Variants in CSMD1 observed in about 807,000 individuals in gnomAD.
The protein encoded by CSMD1 is CUB and sushi domain-containing protein 1.
CSMD1 carries 213 observed loss-of-function variants against 417.5 expected under a neutral mutation model. The ratio of observed to expected loss-of-function variants is 0.51; its 90% CI spans 0.46 to 0.57. CSMD1 has a LOEUF of 0.57. Among genes scored for constraint, CSMD1 ranks in the 20% least tolerant of loss-of-function variants. The pLI, the probability that CSMD1 is intolerant of heterozygous loss-of-function variation, is 0.00. For synonymous variants in CSMD1, 2,862 were observed against 1,736.8 expected (o/e 1.65, Z -16.11); for missense variants, 6,923 against 4,529.7 (o/e 1.53, Z -15.17).
chr8:4,693,812 G>A (rs1044022690), intron 1 of CSMD1, among the ~76,000 whole-genome samples: 1 of 15,076 alleles, frequency 6.6e-5, no homozygotes, highest in Non-Finnish European at 1.0e-4. Context: ...GAGTAGCTGG[G>A]ACCACAGGTG....
At chr8:4,686,953 T>G (rs1291963950) in intron 1 of CSMD1, among the ~76,000 whole-genome samples, 1 of 152,112 alleles carries the variant, frequency 6.6e-6, no homozygotes, top group Non-Finnish European at 1.5e-5. Flanking sequence ...AGGAGACACG[T>G]CTCCAGTCCT....
chr8:4,094,199 G>T (rs1274957406), intron 3 of CSMD1, among the ~76,000 whole-genome samples: 1 of 151,996 alleles, frequency 6.6e-6, no homozygotes, highest in Non-Finnish European at 1.5e-5. Context: ...CCAAACCTGG[G>T]TGTGAGCTTG....
At chr8:3,635,828 G>GA (rs1371744890) in intron 7 of CSMD1, among the ~76,000 whole-genome samples, 169 of 127,772 alleles carry the variant, frequency 1.3e-3, no homozygotes, top group East Asian at 3.6e-3. Flanking sequence ...AAGAAAGAAA[G>GA]AAAAAAAAAA....
chr8:4,809,787 T>C (rs558556272), intron 1 of CSMD1, among the ~76,000 whole-genome samples: 5 of 152,344 alleles, frequency 3.3e-5, no homozygotes, highest in South Asian at 2.1e-4. Context: ...ATATTTGAAA[T>C]ATACTGTGTA....
chr8:3,689,835 C>T (rs974739561), intron 7 of CSMD1, among the ~76,000 whole-genome samples: 3 of 152,152 alleles, frequency 2.0e-5, no homozygotes, highest in Non-Finnish European at 4.4e-5. Flanking sequence ...AACTACTGGG[C>T]TCAGAAAGAA....
intron 5 of CSMD1, among the ~76,000 whole-genome samples, chr8:3,970,394 A>G (rs1360741140): frequency 6.6e-6 from 1 of 152,154 alleles, no homozygotes; most frequent in Non-Finnish European, 1.5e-5. Flanking sequence ...ATCTGAAACG[A>G]GATTGATTAG....
At chr8:3,882,861 T>C (rs557299652) in intron 5 of CSMD1, among the ~76,000 whole-genome samples, 4 of 152,196 alleles carry the variant, frequency 2.6e-5, no homozygotes, top group Non-Finnish European at 5.9e-5. Flanking sequence ...AGAGAATGGC[T>C]ACCCCTGAGT....
intron 1 of CSMD1, among the ~76,000 whole-genome samples, chr8:4,676,533 G>A (rs947973682): frequency 1.3e-5 from 2 of 151,988 alleles, no homozygotes; most frequent in Non-Finnish European, 2.9e-5. Flanking sequence ...ATTTCCTGTT[G>A]GTCTACATCA....
chr8:3,182,735 CTTTATAAGAAGCTCTGT>C (rs1475750461), intron 36 of CSMD1, among the ~76,000 whole-genome samples: 1 of 121,756 alleles, frequency 8.2e-6, no homozygotes, highest in Non-Finnish European at 1.7e-5. Flanking sequence ...CTGGCTGTCT[CTTTATAAGAAGCTCTGT>C]GTGTGTGTGT....
In CSMD1 at chr8:4,166,662, G is replaced by A. The variant is rs538092668; in HGVS notation, c.416-134563C>T. Among the ~76,000 whole-genome samples the A allele has an allele frequency of 1.2e-4, 19 of 152,230 alleles. No homozygotes were observed. The South Asian group carries it at 3.5e-3, about 28-fold the overall frequency. ...CTGCATATTGGGTACCGTGTACACT[G>A]CTGGGGTGATGGGTGCACCAAAATC... On this transcript the variant is annotated intron_variant, in intron 3 of 69. Coordinates refer to ENST00000635120, the MANE Select transcript of CSMD1 (RefSeq NM_033225.6).
At chr8:3,048,454 G>A (rs763864200) in intron 50 of CSMD1, among the ~76,000 whole-genome samples, 4 of 152,074 alleles carry the variant, frequency 2.6e-5, no homozygotes, top group Non-Finnish European at 5.9e-5. Context: ...AATGAACTTC[G>A]AGCAGAAGAG....
At chr8:3,199,949 T>C (rs1796906209) in intron 32 of CSMD1, 140 bp from the exon 33 acceptor site, 1 of 587,398 alleles carries the variant, frequency 1.7e-6, no homozygotes, top group African/African-American at 1.9e-5. Flanking sequence ...GGTTTAAAAC[T>C]CAAATATGTT....
intron 3 of CSMD1, among the ~76,000 whole-genome samples, chr8:4,169,878 A>C (rs1563217087): frequency 6.7e-6 from 1 of 149,598 alleles, no homozygotes; most frequent in African/African-American, 2.6e-5. Flanking sequence ...TGTGTAATTT[A>C]CTTCTGTTTT....
intron 2 of CSMD1, among the ~76,000 whole-genome samples, chr8:4,611,076 G>C (rs1481955601): frequency 1.3e-5 from 2 of 151,764 alleles, no homozygotes; most frequent in Non-Finnish European, 1.5e-5. Flanking sequence ...AAAAGTGAAA[G>C]AAGACCATAG....
chr8:4,972,994 T>C (rs1314092082), intron 1 of CSMD1, among the ~76,000 whole-genome samples: 2 of 152,162 alleles, frequency 1.3e-5, no homozygotes, highest in African/African-American at 4.8e-5. Context: ...TTCTGTGTGA[T>C]TTGATCCCAT....
At chr8:4,881,849 T>C (rs1347277218) in intron 1 of CSMD1, among the ~76,000 whole-genome samples, 1 of 152,000 alleles carries the variant, frequency 6.6e-6, no homozygotes, top group Non-Finnish European at 1.5e-5. Flanking sequence ...AATTCGAGCA[T>C]TATTTTGTTT....
chr8:3,071,890 A>C (rs910709186), intron 49 of CSMD1, among the ~76,000 whole-genome samples: 3 of 152,204 alleles, frequency 2.0e-5, no homozygotes, highest in Admixed American at 2.0e-4. Context: ...CCATGTGCAC[A>C]TAATTGAAAC....
chr8:4,043,779 G>A (rs1017032744), intron 3 of CSMD1, among the ~76,000 whole-genome samples: 2 of 152,020 alleles, frequency 1.3e-5, no homozygotes, highest in African/African-American at 4.8e-5. Flanking sequence ...ATGCTGGAAC[G>A]CTTTATATAT....
intron 3 of CSMD1, among the ~76,000 whole-genome samples, chr8:4,133,557 G>C (rs1017222112): frequency 2.0e-5 from 3 of 152,108 alleles, no homozygotes; most frequent in African/African-American, 4.8e-5. Flanking sequence ...TAAGGGTTTT[G>C]TAGGAAAGCC....
Sources: allele counts gnomAD v4.1 joint callset (sites outside exome capture counted in the v4.1 genomes callset), GRCh38; gene constraint gnomAD v4.1.1; transcripts MANE v1.5; gene names NCBI Gene and HGNC (gene_info 2026-07-23, HGNC 2026-07-21).